Variants in ZNF43 observed in about 807,000 individuals in gnomAD.
The protein encoded by ZNF43 is zinc finger protein 43.
ZNF43 carries 44 observed loss-of-function variants against 68.4 expected under a neutral mutation model. That is an observed-to-expected ratio of 0.64 (90% CI 0.51 to 0.83). The LOEUF is 0.83. Among genes scored for constraint, ZNF43 ranks in the 40% least tolerant of loss-of-function variants. ZNF43 has a pLI of 0.00. For synonymous variants in ZNF43, 308 were observed against 307.8 expected, an observed-to-expected ratio of 1.00 and a Z score of -0.01; for missense variants, 896 against 933.2, an observed-to-expected ratio of 0.96 and a Z score of 0.52.
At chr19:21,840,282 T>A (rs888819219), upstream of ZNF43, 1 of 152,356 alleles carries the variant, frequency 6.6e-6, no homozygotes, top group Non-Finnish European at 1.5e-5. Context: ...CAATCCGATC[T>A]GTGCACTAGG....
rs1180266323 is a variant in ZNF43, at chr19:21,807,554, T to C, written c.*53A>G. 4 of 1,443,606 alleles carry C rather than the reference T, an allele frequency of 2.8e-6. No homozygotes were observed. Among genetic ancestry groups the C allele is most frequent in the East Asian group, 4.6e-5 (2 of 43,060 alleles). The allele number at this position is 1,443,606 out of a possible 1,614,324, so 89.4% of individuals were successfully genotyped here. On this transcript the variant is annotated 3_prime_UTR_variant, in exon 4 of 4. Coordinates refer to ENST00000354959, the MANE Select transcript of ZNF43 (RefSeq NM_003423.4). ...TACCTACAATCAAGTGTGACAACCA[T>C]GTAAAGCCTTTATCACATTCTTTAC...
At position 21,808,742 on chromosome 19, in the gene ZNF43, C is replaced by T. The variant is rs184231420; in HGVS notation, c.1295G>A (p.Gly432Asp). 69 of 1,612,024 alleles carry T rather than the reference C, an allele frequency of 4.3e-5. 1 individual carries two copies. The highest frequency in any genetic ancestry group is 3.6e-4 in the South Asian group (33 of 90,982). The stretch of plus-strand genomic sequence containing the variant: ...GGTTGAGGGCCAGTTAAAGGCTTTG[C>T]CACATTCTTCACATTTGTAGGGTTT... Reference protein sequence around the residue: ...GEKPYKCEECGKAFNWPSTLT... With the variant: ...GEKPYKCEECDKAFNWPSTLT... Residue 432 changes from glycine to aspartate, a missense_variant, in exon 4 of 4, where the codon GGC (glycine) becomes GAC (aspartate). Physicochemically the swap from Gly to Asp is moderately conservative, Grantham distance 94. Coordinates refer to ENST00000354959, the MANE Select transcript of ZNF43 (RefSeq NM_003423.4).
chr19:21,808,316 G>A lies in ZNF43; in HGVS notation c.1721C>T (p.Ala574Val), dbSNP rs1464660903. 1 of 1,613,338 alleles carries A rather than the reference G, an allele frequency of 6.2e-7. No homozygotes were observed. The highest frequency in any genetic ancestry group is 1.3e-5 in the African/African-American group (1 of 75,004). Residue 574 changes from alanine to valine, a missense_variant, in exon 4 of 4, where the codon GCT (alanine) becomes GTT (valine). Transcript: ENST00000354959. Reference sequence around the variant, plus strand: ...AGTAAGGTTTGAGGATTGGGTAAAAGCTTTGCCACATTCTTCACACTTGTA... The same window carrying A: ...AGTAAGGTTTGAGGATTGGGTAAAAACTTTGCCACATTCTTCACACTTGTA... ...KPYKCEECGK[A>V]FTQSSNLTTH...
At chr19:21,815,005 T>C (rs984630075) in intron 3 of ZNF43, among the ~76,000 whole-genome samples, 3 of 151,892 alleles carry the variant, frequency 2.0e-5, no homozygotes, top group Non-Finnish European at 2.9e-5. Flanking sequence ...CTGACCAATA[T>C]GATGAAACCC....
At chr19:21,839,255 ATTCAG>A (rs535763874), upstream of ZNF43, among the ~76,000 whole-genome samples, 2 of 146,940 alleles carry the variant, frequency 1.4e-5, no homozygotes, top group South Asian at 4.4e-4. Flanking sequence ...AACAGAGCCC[ATTCAG>A]GAGACTCATA....
intron 3 of ZNF43, among the ~76,000 whole-genome samples, chr19:21,817,211 A>G (rs1038749912): frequency 4.6e-5 from 7 of 151,000 alleles, no homozygotes; most frequent in Non-Finnish European, 8.8e-5. Context: ...TGACAGAGCA[A>G]GCCTCTGTCT....
At chr19:21,822,617 A>G (rs977661210) in intron 1 of ZNF43, among the ~76,000 whole-genome samples, 1 of 152,100 alleles carries the variant, frequency 6.6e-6, no homozygotes, top group Admixed American at 6.6e-5. Context: ...CATCCTGGCT[A>G]ACACAGTGAA....
At chr19:21,848,668 A>G (rs1968128176) in intron 1 of ZNF43, among the ~76,000 whole-genome samples, 2 of 152,186 alleles carry the variant, frequency 1.3e-5, no homozygotes, top group African/African-American at 2.4e-5. Flanking sequence ...GGAAACTGAA[A>G]TCACTCAGGT....
intron 1 of ZNF43, among the ~76,000 whole-genome samples, chr19:21,829,515 T>C (rs1342757662): frequency 5.3e-5 from 8 of 152,020 alleles, no homozygotes; most frequent in Non-Finnish European, 1.2e-4. Flanking sequence ...AAAAAAAAAA[T>C]TAAATTTTCC....
intron 3 of ZNF43, chr19:21,812,051 T>C (rs919745209): frequency 7.5e-6 from 3 of 398,386 alleles, no homozygotes; most frequent in Non-Finnish European, 1.3e-5. Flanking sequence ...AGAGAGACAA[T>C]GCCTCCTAGA....
chr19:21,839,431 G>A (rs150107148), upstream of ZNF43, among the ~76,000 whole-genome samples: 687 of 145,810 alleles, frequency 4.7e-3, 7 homozygotes, highest in African/African-American at 0.016. Context: ...AAACATGAGA[G>A]AAGAGTCACA....
At chr19:21,830,279 G>GA (rs57980495) in intron 1 of ZNF43, among the ~76,000 whole-genome samples, 4,400 of 133,836 alleles carry the variant, frequency 0.033, 80 homozygotes, top group South Asian at 0.061. Context: ...AAAACAAAAT[G>GA]AAAAAAAAAA....
intron 3 of ZNF43, among the ~76,000 whole-genome samples, chr19:21,814,785 A>T (rs184785135): frequency 3.3e-5 from 5 of 152,324 alleles, no homozygotes; most frequent in Admixed American, 2.6e-4. Context: ...ATTATAATAC[A>T]TAGGTAAAAC....
intron 2 of ZNF43, 61 bp downstream of exon 2, chr19:21,819,034 C>G (rs1679722333): frequency 1.9e-6 from 3 of 1,558,624 alleles, no homozygotes; most frequent in Non-Finnish European, 2.6e-6. Flanking sequence ...AAACAGTCTA[C>G]AGAAAACAAA....
At position 21,819,215 on chromosome 19, in the gene ZNF43, A is replaced by G. The variant is rs1193096100; in HGVS notation, c.10T>C (p.Leu4=). The G allele has an allele frequency of 3.1e-6, 5 of 1,593,430 alleles. No homozygotes were observed. Among genetic ancestry groups the G allele is most frequent in the African/African-American group, 1.4e-5 (1 of 73,554 alleles). Residue 4 remains leucine (L), a synonymous_variant, in exon 2 of 4, where the codon TTG becomes CTG. Coordinates refer to ENST00000354959, the MANE Select transcript of ZNF43 (RefSeq NM_003423.4). The part of the protein sequence containing the change: MGP[L]TFMDVAIEFC... ...TCTATGGCCACATCCATAAATGTCA[A>G]TGGTCCCTAAAAAAAACAACACATA...
chr19:21,810,960 C>T (rs773200335), intron 3 of ZNF43, among the ~76,000 whole-genome samples: 27 of 151,870 alleles, frequency 1.8e-4, no homozygotes, highest in East Asian at 7.8e-4. Flanking sequence ...ACAACAACGA[C>T]GACGACAAAT....
At chr19:21,813,067 A>G (rs1019542492) in intron 3 of ZNF43, among the ~76,000 whole-genome samples, 21 of 152,028 alleles carry the variant, frequency 1.4e-4, no homozygotes, top group African/African-American at 5.1e-4. Context: ...ACATGGAATA[A>G]CTCCATCTCT....
chr19:21,830,299 A>AAAAC (rs200839858), intron 1 of ZNF43, among the ~76,000 whole-genome samples: 3 of 151,944 alleles, frequency 2.0e-5, no homozygotes, highest in South Asian at 4.2e-4. Flanking sequence ...AACAAAACAA[A>AAAAC]AAACAAACAA....
chr19:21,809,889 A>G (rs2037196477), intron 3 of ZNF43, 82 bp from the exon 4 acceptor site: 1 of 1,299,916 alleles, frequency 7.7e-7, no homozygotes, highest in African/African-American at 1.5e-5. Context: ...AAAATCACAC[A>G]AGCTACATAA....
Sources: allele counts gnomAD v4.1 joint callset (sites outside exome capture counted in the v4.1 genomes callset), GRCh38; gene constraint gnomAD v4.1.1; transcripts MANE v1.5; gene names NCBI Gene and HGNC (gene_info 2026-07-23, HGNC 2026-07-21).